CCDC141: variants seen among roughly 807,000 people sequenced by gnomAD.
The protein encoded by CCDC141 is coiled-coil domain-containing protein 141.
CCDC141 carries 168 observed loss-of-function variants against 181.0 expected under a neutral mutation model. The ratio of observed to expected loss-of-function variants is 0.93; its 90% CI spans 0.82 to 1.05. The LOEUF is 1.05. Ranked by LOEUF, CCDC141 falls within the 50% of genes least tolerant of loss-of-function variation. CCDC141 has a pLI of 0.00. For synonymous variants in CCDC141, 666 were observed against 642.3 expected, an observed-to-expected ratio of 1.04 and a Z score of -0.56; for missense variants, 1,902 against 1,788.5, an observed-to-expected ratio of 1.06 and a Z score of -1.14.
At chr2:178,928,164 G>A (rs778572768) in intron 6 of CCDC141, among the ~76,000 whole-genome samples, 21 of 152,182 alleles carry the variant, frequency 1.4e-4, no homozygotes, top group Non-Finnish European at 2.8e-4. Flanking sequence ...GGTGGTCCAC[G>A]CTGAGTAGCA....
chr2:178,909,339 C>T (rs1489052685), intron 7 of CCDC141, among the ~76,000 whole-genome samples: 1 of 152,140 alleles, frequency 6.6e-6, no homozygotes, highest in East Asian at 1.9e-4. Flanking sequence ...TTCTGTGTAT[C>T]ACACTTAATA....
chr2:178,995,344 A>G (rs550714738), intron 2 of CCDC141, among the ~76,000 whole-genome samples: 2 of 152,126 alleles, frequency 1.3e-5, no homozygotes, highest in African/African-American at 4.8e-5. Context: ...GGAAACTCCA[A>G]TTTTTAAAAC....
intron 4 of CCDC141, among the ~76,000 whole-genome samples, chr2:178,973,174 G>T (rs1379997414): frequency 6.6e-6 from 1 of 152,052 alleles, no homozygotes; most frequent in Non-Finnish European, 1.5e-5. Context: ...CATATCCCAT[G>T]GAATTAGTTG....
intron 1 of CCDC141, among the ~76,000 whole-genome samples, chr2:179,048,822 C>T (rs529013241): frequency 6.6e-6 from 1 of 152,294 alleles, no homozygotes; most frequent in East Asian, 1.9e-4. Context: ...CTATAGTGAA[C>T]TGTTTTGCTC....
At chr2:178,963,819 G>A (rs1387811328) in intron 4 of CCDC141, among the ~76,000 whole-genome samples, 2 of 152,222 alleles carry the variant, frequency 1.3e-5, no homozygotes, top group Admixed American at 1.3e-4. Context: ...AATGACGAGA[G>A]TGTGATTATG....
In CCDC141 at chr2:178,944,556, C is replaced by T. The variant is rs1003474378; in HGVS notation, c.876G>A (p.Glu292=). 3.9e-6 allele frequency: 6 copies of T among 1,521,900 alleles called. No individual in the cohort carries two copies. The African/African-American group carries it at 5.5e-5, about 14-fold the overall frequency. The allele number at this position is 1,521,900 out of a possible 1,614,324, so 94.3% of individuals were successfully genotyped here. The change falls in exon 6 of 24, where the codon GAG becomes GAA. Residue 292 remains glutamate, a synonymous_variant. Transcript: ENST00000443758. ...TTACCTTTGCTTTTATTATCAGTTC[C>T]TCTTGCTTATGAATTCGATCCTCAT... ...SDNEDRIHKQ[E]ELIIKAKEWN... is the part of the protein sequence containing the mutation.
chr2:178,915,327 A>G (rs1321466877), intron 7 of CCDC141, among the ~76,000 whole-genome samples: 1 of 152,226 alleles, frequency 6.6e-6, no homozygotes, highest in Non-Finnish European at 1.5e-5. Flanking sequence ...ATAAAATTGG[A>G]TATTTATTCT....
intron 2 of CCDC141, among the ~76,000 whole-genome samples, chr2:179,016,922 G>A (rs1460076837): frequency 6.6e-6 from 1 of 151,886 alleles, no homozygotes; most frequent in African/African-American, 2.4e-5. Context: ...TGGTCCCCAG[G>A]CAAATATTTG....
At chr2:178,966,756 C>T (rs954990263) in intron 4 of CCDC141, among the ~76,000 whole-genome samples, 5 of 151,866 alleles carry the variant, frequency 3.3e-5, no homozygotes, top group African/African-American at 9.7e-5. Context: ...ATGAGTTTGA[C>T]GAATGAAAGA....
chr2:179,011,652 C>G (rs1227329961), intron 2 of CCDC141, among the ~76,000 whole-genome samples: 1 of 152,112 alleles, frequency 6.6e-6, no homozygotes, highest in Non-Finnish European at 1.5e-5. Flanking sequence ...AACATTTCAT[C>G]CAACAACCAC....
At chr2:178,936,953 G>A (rs1689316423) in intron 6 of CCDC141, among the ~76,000 whole-genome samples, 1 of 152,162 alleles carries the variant, frequency 6.6e-6, no homozygotes, top group South Asian at 2.1e-4. Context: ...TTTGTATCCT[G>A]AAACTTTGCT....
rs567119785 is a variant in CCDC141 at position 178,954,431 on chromosome 2, C to T, written c.780+6799G>A. The stretch of plus-strand genomic sequence containing the variant: ...ACATGCTATAATTATCTTTATGAGG[C>T]TATCACATCCCACTTAAGATAGGAA... On this transcript the variant is annotated intron_variant, in intron 5 of 23. Transcript: ENST00000443758. Among the ~76,000 whole-genome samples the T allele has an allele frequency of 5.9e-5, 9 of 152,300 alleles. No homozygotes were observed. The South Asian group carries it at 1.7e-3, about 28-fold the overall frequency.
chr2:178,869,099 A>T lies in CCDC141; in HGVS notation c.2394+18T>A. On this transcript the variant is annotated intron_variant, in intron 15 of 23. Coordinates refer to ENST00000443758, the MANE Select transcript of CCDC141 (RefSeq NM_173648.4). Reference sequence around the variant, plus strand: ...GTTTAAAACTCAGGATTTTTCAGACATCCCTTCTAAGCCTTACCTCTTCCT... The same window carrying T: ...GTTTAAAACTCAGGATTTTTCAGACTTCCCTTCTAAGCCTTACCTCTTCCT... The T allele has an allele frequency of 6.8e-7, 1 of 1,475,628 alleles. No homozygotes were observed. Among genetic ancestry groups the T allele is most frequent in the South Asian group, 1.6e-5 (1 of 64,084 alleles). 91.4% of individuals were successfully genotyped at this position (1,475,628 alleles called of 1,614,324 possible).
intron 2 of CCDC141, among the ~76,000 whole-genome samples, chr2:179,029,358 G>A (rs1190415313): frequency 6.6e-6 from 1 of 152,092 alleles, no homozygotes; most frequent in African/African-American, 2.4e-5. Context: ...TGTGGGACTT[G>A]GGCATAGCCA....
chr2:179,035,298 G>A (rs768276451), intron 2 of CCDC141, among the ~76,000 whole-genome samples: 1 of 152,144 alleles, frequency 6.6e-6, no homozygotes, highest in Middle Eastern at 3.4e-3. Context: ...TCACGTTAGA[G>A]AAACTCAGTT....
At chr2:178,866,418 G>A (rs1685853513) in intron 16 of CCDC141, among the ~76,000 whole-genome samples, 1 of 152,114 alleles carries the variant, frequency 6.6e-6, no homozygotes, top group African/African-American at 2.4e-5. Context: ...AAAAATAAAT[G>A]TACTAATAAA....
Position 178,886,804 on chromosome 2 carries a change from G to A in CCDC141, c.1475C>T (p.Ser492Phe). The A allele has an allele frequency of 6.8e-7, 1 of 1,474,530 alleles. No homozygotes were observed. The highest frequency in any genetic ancestry group is 9.0e-7 in the Non-Finnish European group (1 of 1,110,842). The allele number at this position is 1,474,530 out of a possible 1,614,324, so 91.3% of individuals were successfully genotyped here. A position where few individuals can be genotyped will look rare whatever the true frequency, so the allele number is the denominator to read the frequency against. ...TTTATTCAAAATCTTCTCTGATTCA[G>A]AACGGGTAGAACCAACATCCATTGC... ...SNAMDVGSTR[S>F]ESEKILNKYL... The change falls in exon 10 of 24, where the codon TCT becomes TTT. Residue 492 changes from serine (S) to phenylalanine (F), a missense_variant. By Grantham distance (155) the Ser-to-Phe change is radical. Coordinates refer to ENST00000443758, the MANE Select transcript of CCDC141 (RefSeq NM_173648.4).
At chr2:178,815,684 GCA>G in the CCDC141 span, among the ~76,000 whole-genome samples, 1 of 152,106 alleles carries the variant, frequency 6.6e-6, no homozygotes, top group Non-Finnish European at 1.5e-5. Flanking sequence ...TTTAAACTAT[GCA>G]GATCTTCACA....
chr2:178,942,716 T>C (rs1288338950), intron 6 of CCDC141, among the ~76,000 whole-genome samples: 1 of 152,178 alleles, frequency 6.6e-6, no homozygotes, highest in Non-Finnish European at 1.5e-5. Flanking sequence ...TGCGCCACTC[T>C]GATGGGGATG....
Sources: allele counts gnomAD v4.1 joint callset (sites outside exome capture counted in the v4.1 genomes callset), GRCh38; gene constraint gnomAD v4.1.1; transcripts MANE v1.5; gene names NCBI Gene and HGNC (gene_info 2026-07-23, HGNC 2026-07-21).